Variants in GCN1 observed in about 807,000 individuals in gnomAD.
The protein encoded by GCN1 is stalled ribosome sensor GCN1.
In GCN1, 90 loss-of-function variants were observed where a neutral mutation model predicts 288.4. The observed-to-expected ratio is 0.31, with a 90% CI of 0.26 to 0.37. The LOEUF (loss-of-function observed/expected upper bound fraction) is 0.37, where lower values mean the gene tolerates loss of function less well. Ranked by LOEUF, GCN1 falls within the 10% of genes least tolerant of loss-of-function variation. GCN1 has a pLI of 1.00. For missense variants in GCN1, 2,586 were observed against 3,419.9 expected (o/e 0.76, Z 6.08); for synonymous variants, 1,386 against 1,420.2 (o/e 0.98, Z 0.54).
At chr12:120,175,677 A>G in intron 11 of GCN1, 69 bp downstream of exon 11, 1 of 1,506,852 alleles carries the variant, frequency 6.6e-7, no homozygotes, top group African/African-American at 1.4e-5. Context: ...AGTCCCCTTC[A>G]GATCCCAGTT....
chr12:120,171,690 A>G (rs1480513843), intron 14 of GCN1, among the ~76,000 whole-genome samples: 1 of 152,198 alleles, frequency 6.6e-6, no homozygotes, highest in Non-Finnish European at 1.5e-5. Context: ...GTTTATTTTA[A>G]AAGCAATGAG....
intron 1 of GCN1, among the ~76,000 whole-genome samples, chr12:120,192,329 C>T (rs183324190): frequency 6.6e-6 from 1 of 152,282 alleles, no homozygotes; most frequent in East Asian, 1.9e-4. Context: ...CATGTACTTT[C>T]TTGTGTTTGG....
chr12:120,153,942 C>A lies in GCN1; in HGVS notation c.3702-33G>T, dbSNP rs770679230. On this transcript the variant is annotated intron_variant, in intron 31 of 57. Coordinates refer to ENST00000300648, the MANE Select transcript of GCN1 (RefSeq NM_006836.2). The surrounding 1 kb of genome is among the most constrained non-coding windows in gnomAD (Gnocchi z 4.4). ...AGAAGTGGGAGCACATCAGGAGGGG[C>A]AGTCAGGGGGCCTCCTCTGCCAGTG... 1.9e-6 allele frequency: 3 copies of A among 1,595,038 alleles called. No individual in the cohort carries two copies. Among genetic ancestry groups the A allele is most frequent in the Admixed American group, 3.4e-5 (2 of 58,960 alleles).
At chr12:120,172,817 T>A (rs61291824) in intron 14 of GCN1, among the ~76,000 whole-genome samples, 229 of 152,140 alleles carry the variant, frequency 1.5e-3, no homozygotes, top group African/African-American at 5.3e-3. Flanking sequence ...CCTAGATGCT[T>A]CTTTAAATAC....
chr12:120,161,558 C>A lies in GCN1; in HGVS notation c.2368G>T (p.Ala790Ser). 6.2e-7 allele frequency: 1 copy of A among 1,613,896 alleles called. No homozygotes were observed. Reference protein sequence around the residue: ...QSAQQDSIKKANMKRENKAYS... With the variant: ...QSAQQDSIKKSNMKRENKAYS... ...GCTTTGTTCTCTCGCTTCATGTTGG[C>A]CTTTTTTATGCTGTCCTGCTGGGCA... Residue 790 changes from alanine (A) to serine (S), a missense_variant, in exon 22 of 58, where the codon GCC becomes TCC. By Grantham distance (99) the Ala-to-Ser change is moderately conservative (BLOSUM62 1). Coordinates refer to ENST00000300648, the MANE Select transcript of GCN1 (RefSeq NM_006836.2).
At chr12:120,174,749 C>T (rs1594284005) in intron 12 of GCN1, among the ~76,000 whole-genome samples, 1 of 148,090 alleles carries the variant, frequency 6.8e-6, no homozygotes, top group Non-Finnish European at 1.5e-5. Flanking sequence ...CAAGATTGTG[C>T]CACTGCGCTC....
rs1876914227 is a variant in GCN1 at position 120,134,007 on chromosome 12, C to T, written c.7317+284G>A. ...ATCGCTTGATAGGAGGCGGAGGCTG[C>T]AGTGAGCCGAGATTGTGCCACTTCA... On this transcript the variant is annotated intron_variant, in intron 53 of 57. Transcript: ENST00000300648. This position sits in a 1 kb window ranked among gnomAD's most constrained non-coding sequence, Gnocchi z 5.0. Among the ~76,000 whole-genome samples, 1 of 152,160 alleles carries T rather than the reference C, an allele frequency of 6.6e-6. No homozygotes were observed. The highest frequency in any genetic ancestry group is 2.1e-4 in the South Asian group (1 of 4,824).
intron 36 of GCN1, among the ~76,000 whole-genome samples, chr12:120,149,096 C>CT (rs1439121650): frequency 1.5e-5 from 2 of 136,336 alleles, no homozygotes; most frequent in African/African-American, 3.1e-5. Flanking sequence ...AAGAGCTTTC[C>CT]TGGGGGGGGA....
chr12:120,129,579 C>T (rs995251717), intron 56 of GCN1, 85 bp from the exon 57 acceptor site: 10 of 994,672 alleles, frequency 1.0e-5, no homozygotes, highest in Non-Finnish European at 1.6e-5. Context: ...TCGACACTCT[C>T]CCTACAGCAT....
chr12:120,134,272 G>A lies in GCN1; in HGVS notation c.7317+19C>T. The stretch of plus-strand genomic sequence containing the variant: ...AACCAGTGGTCCAGTGCTGCCACTA[G>A]TCCTGCCTGCAGCCGTACCTCATCG... On this transcript the variant is annotated intron_variant, in intron 53 of 57. Transcript: ENST00000300648. This position sits in a 1 kb window ranked among gnomAD's most constrained non-coding sequence, Gnocchi z 5.0. 1 of 1,556,826 alleles carries A rather than the reference G, an allele frequency of 6.4e-7. No individual in the cohort carries two copies. Among genetic ancestry groups the A allele is most frequent in the South Asian group, 1.1e-5 (1 of 89,956 alleles).
chr12:120,145,265 A>G lies in GCN1; in HGVS notation c.5013T>C (p.Pro1671=). The G allele has an allele frequency of 6.3e-7, 1 of 1,598,294 alleles. No homozygotes were observed. Among genetic ancestry groups the G allele is most frequent in the Non-Finnish European group, 8.5e-7 (1 of 1,172,102 alleles). The change falls in exon 39 of 58, where the codon CCT becomes CCC. Residue 1671 remains proline (P), a synonymous_variant. Coordinates refer to ENST00000300648, the MANE Select transcript of GCN1 (RefSeq NM_006836.2). ...CCCCAGCCTACCTCAGACTCACCTC[A>G]GGCACAGGGTCCAAAAGCGATGCTT... ...GLKASLLDPV[P]EVRTVSAKAL... is the part of the protein sequence containing the mutation.
chr12:120,194,704 G>A lies in GCN1; in HGVS notation c.-7C>T. On this transcript the variant is annotated 5_prime_UTR_variant, in exon 1 of 58. Coordinates refer to ENST00000300648, the MANE Select transcript of GCN1 (RefSeq NM_006836.2). Reference sequence around the variant, plus strand: ...CCTGCGTGTCCGCCGCCATCCTGCCGGGGCTGACTCCGGAACCGCTTCCGG... The same window carrying A: ...CCTGCGTGTCCGCCGCCATCCTGCCAGGGCTGACTCCGGAACCGCTTCCGG... 2 of 1,510,130 alleles carry A rather than the reference G, an allele frequency of 1.3e-6. No individual in the cohort carries two copies. The highest frequency in any genetic ancestry group is 1.8e-6 in the Non-Finnish European group (2 of 1,136,196). 93.5% of individuals were successfully genotyped at this position (1,510,130 alleles called of 1,614,324 possible).
Position 120,148,318 on chromosome 12 carries a change from C to A in GCN1, c.4575G>T (p.Ala1525=), listed in dbSNP as rs369587641. ...ATGACAGCTGCTTAGGAGCACAGTACGCCATTGCCCCAAGAAGCTCCACTG... is the reference window on the plus strand; with the variant it reads ...ATGACAGCTGCTTAGGAGCACAGTAAGCCATTGCCCCAAGAAGCTCCACTG... ...AGSVELLGAM[A]YCAPKQLSSC... The change falls in exon 37 of 58, where the codon GCG becomes GCT. Residue 1525 remains alanine (A), a synonymous_variant. Coordinates refer to ENST00000300648, the MANE Select transcript of GCN1 (RefSeq NM_006836.2). 20 of 1,613,788 alleles carry A rather than the reference C, an allele frequency of 1.2e-5. No homozygotes were observed. Among genetic ancestry groups the A allele is most frequent in the Non-Finnish European group, 1.7e-5 (20 of 1,179,814 alleles).
At chr12:120,174,519 G>A (rs1382733441) in intron 12 of GCN1, among the ~76,000 whole-genome samples, 5 of 152,166 alleles carry the variant, frequency 3.3e-5, no homozygotes, top group South Asian at 2.1e-4. Flanking sequence ...TAGGCCAGGC[G>A]CAGTGGCTCA....
intron 56 of GCN1, 40 bp from the exon 57 acceptor site, chr12:120,129,534 T>C (rs764957056): frequency 1.0e-5 from 15 of 1,455,734 alleles, no homozygotes; most frequent in Non-Finnish European, 1.4e-5. Flanking sequence ...GATAGGCATG[T>C]CATCTATTCC....
chr12:120,134,801 C>A lies in GCN1; in HGVS notation c.7009-75G>T. On this transcript the variant is annotated intron_variant, in intron 51 of 57. Coordinates refer to ENST00000300648, the MANE Select transcript of GCN1 (RefSeq NM_006836.2). The surrounding 1 kb of genome is among the most constrained non-coding windows in gnomAD (Gnocchi z 5.0). ...CCACAGTGTACCACAGGCATGAGAA[C>A]AAATGACAATCCCAAACCACCACAG... The A allele has an allele frequency of 7.8e-7, 1 of 1,285,448 alleles. No individual in the cohort carries two copies. Among genetic ancestry groups the A allele is most frequent in the Non-Finnish European group, 1.1e-6 (1 of 892,340 alleles). 79.6% of individuals were successfully genotyped at this position (1,285,448 alleles called of 1,614,324 possible).
At chr12:120,175,702 G>A (rs941638050) in intron 11 of GCN1, 44 bp downstream of exon 11, 1 of 1,579,466 alleles carries the variant, frequency 6.3e-7, no homozygotes, top group Non-Finnish European at 8.6e-7. Context: ...GAAATACCAG[G>A]GGCCACGCCT....
chr12:120,174,583 G>T (rs937586560), intron 12 of GCN1, among the ~76,000 whole-genome samples: 1 of 151,008 alleles, frequency 6.6e-6, no homozygotes, highest in Non-Finnish European at 1.5e-5. Context: ...ATGAGGTCAA[G>T]ATCGAGACCA....
chr12:120,176,234 G>A lies in GCN1; in HGVS notation c.839-17C>T. The stretch of plus-strand genomic sequence containing the variant: ...TAGAAATAGCTAAGGGGGACAGAAA[G>A]CACTGACCATGTCAGTCTAAGCAAT... On this transcript the variant is annotated splice_polypyrimidine_tract_variant and intron_variant, in intron 9 of 57. Transcript: ENST00000300648. 1.3e-6 allele frequency: 2 copies of A among 1,545,830 alleles called. No individual in the cohort carries two copies. The highest frequency in any genetic ancestry group is 1.8e-6 in the Non-Finnish European group (2 of 1,118,018).
Sources: allele counts gnomAD v4.1 joint callset (sites outside exome capture counted in the v4.1 genomes callset), GRCh38; gene constraint gnomAD v4.1.1; non-coding constraint Gnocchi (gnomAD v3.1); transcripts MANE v1.5; gene names NCBI Gene and HGNC (gene_info 2026-07-23, HGNC 2026-07-21).